FER: variants seen among roughly 807,000 people sequenced by gnomAD.
FER encodes FER tyrosine kinase.
Under a neutral mutation model 111.0 loss-of-function variants are expected in FER, and 63 were observed. That is an observed-to-expected ratio of 0.57 (90% CI 0.46 to 0.70). FER has a LOEUF of 0.70. Among genes scored for constraint, FER ranks in the 30% least tolerant of loss-of-function variants. The pLI, the probability that FER is intolerant of heterozygous loss-of-function variation, is 0.00. For synonymous variants in FER, 327 were observed against 313.9 expected, an observed-to-expected ratio of 1.04 and a Z score of -0.44; for missense variants, 914 against 954.0, an observed-to-expected ratio of 0.96 and a Z score of 0.55.
intron 17 of FER, among the ~76,000 whole-genome samples, chr5:109,158,089 T>C (rs1205634925): frequency 6.6e-6 from 1 of 152,032 alleles, no homozygotes; most frequent in Non-Finnish European, 1.5e-5. Flanking sequence ...ATCTATTTTT[T>C]AAATAGGCTG....
At chr5:109,009,365 T>G (rs953326702) in intron 13 of FER, among the ~76,000 whole-genome samples, 1 of 152,096 alleles carries the variant, frequency 6.6e-6, no homozygotes, top group African/African-American at 2.4e-5. Flanking sequence ...TCATGACTCC[T>G]TTCTTATGAA....
intron 9 of FER, among the ~76,000 whole-genome samples, chr5:108,896,909 T>G (rs1749205904): frequency 2.0e-5 from 3 of 152,320 alleles, no homozygotes; most frequent in South Asian, 4.1e-4. Context: ...TATTGTAATA[T>G]ATAGTGTGGG....
In FER at chr5:108,810,426, G is replaced by A. The variant is rs139533353; in HGVS notation, c.207+12037G>A. Reference sequence around the variant, plus strand: ...GCTGGGGAGCAACATGTGTGGGGCCGGACTGGGCAGGCCTGCCTACCTGTC... The same window carrying A: ...GCTGGGGAGCAACATGTGTGGGGCCAGACTGGGCAGGCCTGCCTACCTGTC... On this transcript the variant is annotated intron_variant, in intron 3 of 19. Transcript: ENST00000281092. 2.7e-3 allele frequency among the ~76,000 whole-genome samples: 409 copies of A among 152,318 alleles called. 1 individual carries two copies. Among genetic ancestry groups the A allele is most frequent in the African/African-American group, 9.4e-3 (390 of 41,574 alleles).
intron 16 of FER, among the ~76,000 whole-genome samples, chr5:109,096,526 C>T (rs986163841): frequency 5.3e-5 from 8 of 151,960 alleles, no homozygotes; most frequent in Non-Finnish European, 1.0e-4. Flanking sequence ...AGGATGCTTT[C>T]ATCCTAAGGC....
rs573221776 is a variant in FER at position 108,995,430 on chromosome 5, C to A, written c.1656+36083C>A. On this transcript the variant is annotated intron_variant, in intron 13 of 19. Coordinates refer to ENST00000281092, the MANE Select transcript of FER (RefSeq NM_005246.4). ...ATCCCTCTACTAGCCCCCCACCCCC[C>A]AACAGGCCCCAGTGTGTGATGTTCC... Among the ~76,000 whole-genome samples the A allele has an allele frequency of 1.2e-4, 18 of 151,960 alleles. 1 individual carries two copies. In the East Asian group the frequency reaches 1.5e-3, roughly 13 times the overall value.
At position 108,904,477 on chromosome 5, in the gene FER, C is replaced by T. The variant is rs532125296; in HGVS notation, c.1236+6629C>T. Among the ~76,000 whole-genome samples, 13 of 152,074 alleles carry T rather than the reference C, an allele frequency of 8.5e-5. No homozygotes were observed. In the East Asian group the frequency reaches 2.5e-3, roughly 29 times the overall value. ...AGGAACCAAAAGGAAGCCAGTGTAGCTGAAGAGAGAGAAAGTAATAGGAGA... is the reference window on the plus strand; with the variant it reads ...AGGAACCAAAAGGAAGCCAGTGTAGTTGAAGAGAGAGAAAGTAATAGGAGA... On this transcript the variant is annotated intron_variant, in intron 10 of 19. Coordinates refer to ENST00000281092, the MANE Select transcript of FER (RefSeq NM_005246.4).
At chr5:108,920,655 T>A (rs1752903825) in intron 10 of FER, among the ~76,000 whole-genome samples, 3 of 152,164 alleles carry the variant, frequency 2.0e-5, no homozygotes, top group Non-Finnish European at 4.4e-5. Flanking sequence ...TTGATAACAT[T>A]TCCATTGTGA....
Position 108,869,267 on chromosome 5 carries a change from A to G in FER, c.665+1317A>G, listed in dbSNP as rs372324490. Among the ~76,000 whole-genome samples, 49 of 152,252 alleles carry G rather than the reference A, an allele frequency of 3.2e-4. 1 individual carries two copies. In the South Asian group the frequency reaches 9.5e-3, roughly 30 times the overall value. On this transcript the variant is annotated intron_variant, in intron 6 of 19. Coordinates refer to ENST00000281092, the MANE Select transcript of FER (RefSeq NM_005246.4). ...GAAGTACAGGTTATATCCAGGGTAT[A>G]TCTATGACAGACAAGTGAGAATGGA...
chr5:108,910,404 C>T (rs1751379831), intron 10 of FER, among the ~76,000 whole-genome samples: 1 of 152,054 alleles, frequency 6.6e-6, no homozygotes, highest in South Asian at 2.1e-4. Context: ...GGTGAAACAC[C>T]AAATTTCTTG....
At chr5:109,181,972 TG>T (rs1205040880) in intron 18 of FER, among the ~76,000 whole-genome samples, 1 of 152,238 alleles carries the variant, frequency 6.6e-6, no homozygotes, top group African/African-American at 2.4e-5. Flanking sequence ...TTACCTATTC[TG>T]GGAATTTCAT....
chr5:109,147,157 T>C (rs1754315186), intron 17 of FER, among the ~76,000 whole-genome samples: 1 of 151,756 alleles, frequency 6.6e-6, no homozygotes, highest in Non-Finnish European at 1.5e-5. Flanking sequence ...ATTGAACTTA[T>C]TAATATACAA....
At chr5:108,996,401 C>A (rs1426569320) in intron 13 of FER, among the ~76,000 whole-genome samples, 1 of 152,178 alleles carries the variant, frequency 6.6e-6, no homozygotes, top group Non-Finnish European at 1.5e-5. Flanking sequence ...TTAGGTCTTA[C>A]ATTTAAGTAT....
chr5:108,844,107 C>CAGAT (rs765600330), intron 5 of FER, among the ~76,000 whole-genome samples: 1 of 95,128 alleles, frequency 1.1e-5, no homozygotes, highest in Admixed American at 9.7e-5. Flanking sequence ...TGTGTGTGAA[C>CAGAT]ATGTGTGTGA....
At chr5:108,874,617 C>CT (rs542858095) in intron 8 of FER, among the ~76,000 whole-genome samples, 2,018 of 143,668 alleles carry the variant, frequency 0.014, 21 homozygotes, top group Middle Eastern at 0.038. Context: ...ATCTTTCTTC[C>CT]TTTTTTTTTT....
At chr5:108,959,929 G>T (rs1243062754) in intron 13 of FER, among the ~76,000 whole-genome samples, 1 of 152,006 alleles carries the variant, frequency 6.6e-6, no homozygotes, top group Non-Finnish European at 1.5e-5. Context: ...GTTCAATAAA[G>T]TATGGGTATG....
chr5:109,131,643 T>A (rs1229998589), intron 17 of FER, among the ~76,000 whole-genome samples: 1 of 152,120 alleles, frequency 6.6e-6, no homozygotes, highest in Non-Finnish European at 1.5e-5. Flanking sequence ...TTTGGGTGTG[T>A]GAGATATCTT....
In FER at chr5:108,861,434, C is replaced by G. The variant is rs575782156; in HGVS notation, c.482-6333C>G. 1.3e-3 allele frequency among the ~76,000 whole-genome samples: 196 copies of G among 152,046 alleles called. 1 individual carries two copies. Among genetic ancestry groups the G allele is most frequent in the Non-Finnish European group, 2.5e-3 (168 of 67,988 alleles). The stretch of plus-strand genomic sequence containing the variant: ...ACAAAACATTAAATAGATTTGTCAA[C>G]AAGTTGTGGCAAACAAATTATAATT... On this transcript the variant is annotated intron_variant, in intron 5 of 19. Transcript: ENST00000281092.
intron 8 of FER, among the ~76,000 whole-genome samples, chr5:108,882,459 A>C (rs1294999712): frequency 6.6e-6 from 1 of 151,870 alleles, no homozygotes; most frequent in African/African-American, 2.4e-5. Flanking sequence ...AAGCATATGA[A>C]CTTCATATGC....
intron 17 of FER, among the ~76,000 whole-genome samples, chr5:109,160,331 C>T (rs888936416): frequency 6.6e-6 from 1 of 152,174 alleles, no homozygotes; most frequent in Non-Finnish European, 1.5e-5. Flanking sequence ...ACCAGGAAAC[C>T]TTGCTGCATC....
Sources: gnomAD v4.1 joint callset for allele counts (sites outside exome capture counted in the v4.1 genomes callset) on GRCh38, gnomAD v4.1.1 for gene constraint, MANE v1.5 for transcripts, NCBI Gene and HGNC (gene_info 2026-07-23, HGNC 2026-07-21) for gene names.